MEI4: variants seen among roughly 807,000 people sequenced by gnomAD.
MEI4 encodes the protein meiotic double-stranded break formation protein 4.
A neutral mutation model predicts 31.4 loss-of-function variants in MEI4; 27 were observed. The ratio of observed to expected loss-of-function variants is 0.86; its 90% CI spans 0.63 to 1.19. MEI4 has a LOEUF of 1.19. MEI4 is among the 50% of genes most tolerant of loss of function. The probability of loss-of-function intolerance (pLI) is 0.00; values close to 1 mark genes in which losing one functional copy is unlikely to be tolerated. For synonymous variants in MEI4, 122 were observed against 145.4 expected (o/e 0.84, Z 1.16); for missense variants, 329 against 398.9 (o/e 0.82, Z 1.49).
intron 2 of MEI4, among the ~76,000 whole-genome samples, chr6:77,695,909 T>A (rs1232408559): frequency 6.6e-6 from 1 of 152,228 alleles, no homozygotes; most frequent in Non-Finnish European, 1.5e-5. Context: ...TGGAATGGTC[T>A]TCTATTTGTT....
intron 4 of MEI4, among the ~76,000 whole-genome samples, chr6:77,853,402 C>T (rs138114037): frequency 1.8e-3 from 273 of 152,262 alleles, no homozygotes; most frequent in Non-Finnish European, 3.0e-3. Context: ...CAAGGTTGTT[C>T]ATTTTAATAA....
At chr6:77,666,454 G>A (rs1181618050) in intron 1 of MEI4, among the ~76,000 whole-genome samples, 5 of 152,150 alleles carry the variant, frequency 3.3e-5, no homozygotes, top group Non-Finnish European at 5.9e-5. Context: ...AGTCTCAAGT[G>A]GATCAAGCAT....
At chr6:77,861,183 C>A (rs1770856955) in intron 4 of MEI4, among the ~76,000 whole-genome samples, 1 of 152,148 alleles carries the variant, frequency 6.6e-6, no homozygotes. Context: ...CCACAGTGCC[C>A]TTTTGATTGG....
intron 4 of MEI4, among the ~76,000 whole-genome samples, chr6:77,909,821 C>A (rs993296451): frequency 4.6e-5 from 7 of 152,110 alleles, no homozygotes; most frequent in Non-Finnish European, 8.8e-5. Flanking sequence ...AAAATACTGG[C>A]AAACCGAATC....
intron 2 of MEI4, among the ~76,000 whole-genome samples, chr6:77,693,969 G>A (rs1468454029): frequency 1.3e-5 from 2 of 152,036 alleles, no homozygotes; most frequent in Admixed American, 6.6e-5. Flanking sequence ...GAGAGGATGG[G>A]GAATTCAGTT....
At chr6:77,777,841 GAAA>G (rs1561984500) in intron 3 of MEI4, among the ~76,000 whole-genome samples, 1 of 151,182 alleles carries the variant, frequency 6.6e-6, no homozygotes, top group Admixed American at 6.6e-5. Flanking sequence ...TTACAACCAG[GAAA>G]AAAAGAAAAT....
chr6:77,823,198 A>C (rs1012072654), intron 3 of MEI4, among the ~76,000 whole-genome samples: 1 of 152,174 alleles, frequency 6.6e-6, no homozygotes, highest in African/African-American at 2.4e-5. Flanking sequence ...TTACAGCAGA[A>C]ACTTACTCTA....
intron 2 of MEI4, among the ~76,000 whole-genome samples, chr6:77,727,791 T>C (rs1172188767): frequency 6.6e-6 from 1 of 152,206 alleles, no homozygotes; most frequent in African/African-American, 2.4e-5. Flanking sequence ...CATAAGCCTA[T>C]ATAAGGCCCA....
intron 2 of MEI4, among the ~76,000 whole-genome samples, chr6:77,694,487 C>T (rs1765955865): frequency 1.3e-5 from 2 of 151,340 alleles, no homozygotes; most frequent in South Asian, 2.1e-4. Context: ...TGTTCAATTC[C>T]CACCTATGAG....
At chr6:77,862,317 T>G (rs1770888044) in intron 4 of MEI4, among the ~76,000 whole-genome samples, 1 of 152,196 alleles carries the variant, frequency 6.6e-6, no homozygotes, top group Non-Finnish European at 1.5e-5. Flanking sequence ...GGGAATTCCC[T>G]TTCCTAGTCA....
chr6:77,708,011 T>C (rs1766369288), intron 2 of MEI4, among the ~76,000 whole-genome samples: 1 of 152,124 alleles, frequency 6.6e-6, no homozygotes, highest in Non-Finnish European at 1.5e-5. Flanking sequence ...TAGGGCAGCA[T>C]TGAAGGGAAA....
intron 1 of MEI4, among the ~76,000 whole-genome samples, chr6:77,658,065 A>G (rs1052288602): frequency 6.6e-6 from 1 of 152,226 alleles, no homozygotes; most frequent in African/African-American, 2.4e-5. Context: ...GCTTTGTGTG[A>G]GCAATAAAGC....
At chr6:77,905,550 G>A (rs1233843520) in intron 4 of MEI4, among the ~76,000 whole-genome samples, 2 of 130,818 alleles carry the variant, frequency 1.5e-5, no homozygotes, top group Non-Finnish European at 3.1e-5. Context: ...AGGCTGGAGT[G>A]CAGTGGCACG....
At chr6:77,745,438 C>T (rs529628858) in intron 2 of MEI4, among the ~76,000 whole-genome samples, 143 of 151,302 alleles carry the variant, frequency 9.5e-4, no homozygotes, top group African/African-American at 3.4e-3. Flanking sequence ...AATATATATG[C>T]ACCCAATACA....
At chr6:77,698,398 G>A (rs970457468) in intron 2 of MEI4, among the ~76,000 whole-genome samples, 23 of 152,160 alleles carry the variant, frequency 1.5e-4, no homozygotes, top group Admixed American at 8.5e-4. Context: ...TTTTGCAGTG[G>A]CTGGTACCGG....
chr6:77,691,637 A>G (rs1198415673), intron 2 of MEI4, among the ~76,000 whole-genome samples: 3 of 152,072 alleles, frequency 2.0e-5, no homozygotes, highest in East Asian at 1.9e-4. Context: ...TACAGAGGGA[A>G]GTTGGGACCG....
intron 3 of MEI4, among the ~76,000 whole-genome samples, chr6:77,796,022 A>T (rs1359662435): frequency 2.0e-5 from 3 of 152,166 alleles, no homozygotes; most frequent in Non-Finnish European, 4.4e-5. Flanking sequence ...TAGCAAACCA[A>T]TTTCAGCAGC....
At chr6:77,716,696 A>G (rs1489492845) in intron 2 of MEI4, 1 of 168,870 alleles carries the variant, frequency 5.9e-6, no homozygotes, top group African/African-American at 2.4e-5. Flanking sequence ...AGGTAGGATA[A>G]TTTTGGGAAA....
chr6:77,739,148 C>T (rs1288645276), intron 2 of MEI4, among the ~76,000 whole-genome samples: 1 of 152,110 alleles, frequency 6.6e-6, no homozygotes, highest in Non-Finnish European at 1.5e-5. Flanking sequence ...GTCATGAAGT[C>T]TTTGCCCATG....
Sources: allele counts gnomAD v4.1 joint callset (sites outside exome capture counted in the v4.1 genomes callset), GRCh38; gene constraint gnomAD v4.1.1; transcripts MANE v1.5; gene names NCBI Gene and HGNC (gene_info 2026-07-23, HGNC 2026-07-21).